Variants in MBD5 observed in about 807,000 individuals in gnomAD.
MBD5 encodes the protein methyl-CpG-binding domain protein 5.
Under a neutral mutation model 117.3 loss-of-function variants are expected in MBD5, and 13 were observed. That is an observed-to-expected ratio of 0.11 (90% CI 0.07 to 0.18). The LOEUF (loss-of-function observed/expected upper bound fraction) is 0.18. MBD5 is among the 10% of genes least tolerant of loss of function. The probability of loss-of-function intolerance (pLI) is 1.00; values close to 1 mark genes in which losing one functional copy is unlikely to be tolerated. For synonymous variants in MBD5, 727 were observed against 766.4 expected (o/e 0.95, Z 0.85); for missense variants, 1,879 against 2,093.8 (o/e 0.90, Z 2.00).
At chr2:148,345,564 CACGTATACACATACAT>C (rs1398752291) in intron 4 of MBD5, among the ~76,000 whole-genome samples, 1 of 67,928 alleles carries the variant, frequency 1.5e-5, no homozygotes, top group South Asian at 4.4e-4. Context: ...TATGTATATA[CACGTATACACATACAT>C]ATGTATATAC....
At chr2:148,140,326 T>G (rs1008186112) in intron 1 of MBD5, among the ~76,000 whole-genome samples, 3 of 152,220 alleles carry the variant, frequency 2.0e-5, no homozygotes, top group African/African-American at 7.2e-5. Flanking sequence ...TACTACTAAT[T>G]TTAGTTTTGT....
At chr2:148,208,973 T>C (rs1699352493) in intron 2 of MBD5, among the ~76,000 whole-genome samples, 1 of 152,226 alleles carries the variant, frequency 6.6e-6, no homozygotes, top group South Asian at 2.1e-4. Flanking sequence ...AACACCGTTA[T>C]ATGTGATACT....
chr2:148,251,930 G>C (rs759962039), intron 3 of MBD5, among the ~76,000 whole-genome samples: 6 of 152,118 alleles, frequency 3.9e-5, no homozygotes, highest in Non-Finnish European at 7.3e-5. Flanking sequence ...GTACATTTTA[G>C]AAGTTACATG....
intron 3 of MBD5, among the ~76,000 whole-genome samples, chr2:148,294,506 T>TTTTTTTTTGTTTTTTTTTTTTTTTGTTTG (rs1397412173): frequency 2.3e-5 from 3 of 130,640 alleles, no homozygotes; most frequent in African/African-American, 3.0e-5. Flanking sequence ...TTACAGTTTT[T>TTTTTTTTTGTTTTTTTTTTTTTTTGTTTG]TTTTTTTTTT....
chr2:148,028,731 G>A (rs1693964864), intron 1 of MBD5: 1 of 152,038 alleles, frequency 6.6e-6, no homozygotes, highest in Non-Finnish European at 1.5e-5. Flanking sequence ...AGAGTTCACT[G>A]TGTAAGATAT....
chr2:148,158,687 C>A (rs1697929490), intron 1 of MBD5, among the ~76,000 whole-genome samples: 1 of 151,876 alleles, frequency 6.6e-6, no homozygotes, highest in Non-Finnish European at 1.5e-5. Flanking sequence ...TGTTCACATC[C>A]ATTATTTCCT....
At chr2:148,241,056 C>G (rs1700206411) in intron 3 of MBD5, among the ~76,000 whole-genome samples, 1 of 151,598 alleles carries the variant, frequency 6.6e-6, no homozygotes, top group South Asian at 2.1e-4. Flanking sequence ...AGAGTCTGTT[C>G]TATTGGCTGC....
chr2:148,124,993 C>T (rs1254478270), intron 1 of MBD5, among the ~76,000 whole-genome samples: 1 of 150,904 alleles, frequency 6.6e-6, no homozygotes, highest in African/African-American at 2.4e-5. Context: ...CAGGATTATA[C>T]ATATATATTT....
intron 3 of MBD5, among the ~76,000 whole-genome samples, chr2:148,243,399 G>A (rs1337414663): frequency 6.6e-6 from 1 of 151,890 alleles, no homozygotes; most frequent in African/African-American, 2.4e-5. Flanking sequence ...GTAGATTGTA[G>A]GGAAAAGCTG....
At chr2:148,383,025 C>G (rs1704206138) in intron 4 of MBD5, among the ~76,000 whole-genome samples, 1 of 151,456 alleles carries the variant, frequency 6.6e-6, no homozygotes, top group Non-Finnish European at 1.5e-5. Flanking sequence ...AATTGACACC[C>G]TAACATCACA....
chr2:148,062,239 C>A (rs1695056990), intron 1 of MBD5: 1 of 150,074 alleles, frequency 6.7e-6, no homozygotes, highest in South Asian at 2.1e-4. Flanking sequence ...CTTTTTTTTT[C>A]TGTCAGAGGA....
chr2:148,372,474 T>G (rs1386811009), intron 4 of MBD5, among the ~76,000 whole-genome samples: 1 of 152,062 alleles, frequency 6.6e-6, no homozygotes, highest in East Asian at 1.9e-4. Flanking sequence ...AAATCCATGC[T>G]TTACTACTAG....
At chr2:148,434,489 C>T (rs554437547) in intron 4 of MBD5, among the ~76,000 whole-genome samples, 128 of 151,042 alleles carry the variant, frequency 8.5e-4, no homozygotes, top group African/African-American at 3.1e-3. Flanking sequence ...AGAGTTTTCC[C>T]ACTTTTTGAT....
chr2:148,207,110 A>G (rs1183712300), intron 2 of MBD5, among the ~76,000 whole-genome samples: 1 of 152,196 alleles, frequency 6.6e-6, no homozygotes, highest in Non-Finnish European at 1.5e-5. Context: ...GAAATTTGGT[A>G]TGAAGGATGT....
intron 2 of MBD5, among the ~76,000 whole-genome samples, chr2:148,191,031 G>A (rs1262457134): frequency 2.0e-5 from 3 of 148,908 alleles, no homozygotes; most frequent in Admixed American, 6.7e-5. Flanking sequence ...TAATGGTAAA[G>A]GGATCAATTC....
At chr2:148,131,005 T>C (rs1001265011) in intron 1 of MBD5, among the ~76,000 whole-genome samples, 2 of 152,182 alleles carry the variant, frequency 1.3e-5, no homozygotes, top group Non-Finnish European at 2.9e-5. Flanking sequence ...TAATACGAGA[T>C]GAAAGAGGAG....
At chr2:148,227,397 C>A (rs1406442449) in intron 2 of MBD5, among the ~76,000 whole-genome samples, 1 of 152,148 alleles carries the variant, frequency 6.6e-6, no homozygotes, top group Non-Finnish European at 1.5e-5. Context: ...TTGTTTTTCT[C>A]AGGTTTGTCA....
chr2:148,069,168 A>C (rs1193317959), intron 1 of MBD5, among the ~76,000 whole-genome samples: 1 of 152,210 alleles, frequency 6.6e-6, no homozygotes, highest in Non-Finnish European at 1.5e-5. Context: ...TTTGCATTCC[A>C]AACCTTTTGT....
intron 4 of MBD5, among the ~76,000 whole-genome samples, chr2:148,424,598 A>G (rs1705718216): frequency 6.6e-6 from 1 of 152,138 alleles, no homozygotes; most frequent in African/African-American, 2.4e-5. Flanking sequence ...TCACCACCAC[A>G]TCACACTTAT....
Sources: allele counts gnomAD v4.1 joint callset (sites outside exome capture counted in the v4.1 genomes callset), GRCh38; gene constraint gnomAD v4.1.1; transcripts MANE v1.5; gene names NCBI Gene and HGNC (gene_info 2026-07-23, HGNC 2026-07-21).